MACF1: variants seen among roughly 807,000 people sequenced by gnomAD.
MACF1 encodes the protein microtubule actin crosslinking factor 1.
MACF1 carries 193 observed loss-of-function variants against 854.8 expected under a neutral mutation model. The observed-to-expected ratio is 0.23, with a 90% CI of 0.20 to 0.25. The LOEUF (loss-of-function observed/expected upper bound fraction) is 0.25. Ranked by LOEUF, MACF1 falls within the 10% of genes least tolerant of loss-of-function variation. MACF1 has a pLI of 1.00. For synonymous variants in MACF1, 3,185 were observed against 3,226.7 expected, an observed-to-expected ratio of 0.99 and a Z score of 0.44; for missense variants, 7,722 against 8,929.1, an observed-to-expected ratio of 0.86 and a Z score of 5.45.
chr1:39,323,106 G>T (rs1434251937), intron 33 of MACF1, 98 bp downstream of exon 33: 5 of 1,069,230 alleles, frequency 4.7e-6, no homozygotes, highest in Non-Finnish European at 4.4e-6. Context: ...CCAGGTGGCT[G>T]AGTTGGGAGG....
intron 2 of MACF1, among the ~76,000 whole-genome samples, chr1:39,100,296 G>A (rs1253240449): frequency 6.6e-6 from 1 of 152,180 alleles, no homozygotes; most frequent in Non-Finnish European, 1.5e-5. Flanking sequence ...GATTTCAGTA[G>A]GTGGAGTTGG....
intron 97 of MACF1, among the ~76,000 whole-genome samples, chr1:39,470,008 T>A (rs1160694997): frequency 6.6e-6 from 1 of 152,158 alleles, no homozygotes; most frequent in Non-Finnish European, 1.5e-5. Flanking sequence ...AGAGATGAGA[T>A]TCAAATTCAG....
intron 2 of MACF1, among the ~76,000 whole-genome samples, chr1:39,148,162 T>C (rs1643506052): frequency 6.6e-6 from 1 of 152,238 alleles, no homozygotes; most frequent in South Asian, 2.1e-4. Flanking sequence ...ATTTATCATC[T>C]TATTTTACAG....
intron 49 of MACF1, among the ~76,000 whole-genome samples, chr1:39,366,726 G>A (rs1467899254): frequency 7.0e-6 from 1 of 143,730 alleles, no homozygotes; most frequent in African/African-American, 2.6e-5. Context: ...ACAGAGACTT[G>A]CTCTGTTATC....
rs1175275578 is a variant in MACF1 at position 39,152,984 on chromosome 1, A to G, written c.220+68546A>G. ...TAGGTTTTTCAGAATAACCAAATGT[A>G]GTTCTCCTAAGCAGGCACTGATCTT... On this transcript the variant is annotated intron_variant, in intron 2 of 93. Coordinates refer to the MACF1 transcript ENST00000361689. Among the ~76,000 whole-genome samples the G allele has an allele frequency of 2.6e-5, 4 of 152,326 alleles. No homozygotes were observed. The East Asian group carries it at 7.7e-4, about 29-fold the overall frequency.
intron 97 of MACF1, among the ~76,000 whole-genome samples, chr1:39,478,094 C>A (rs1375185415): frequency 1.3e-5 from 2 of 151,202 alleles, no homozygotes; most frequent in Admixed American, 6.6e-5. Context: ...CCTCCGCCTC[C>A]TGGGTTCAAG....
At chr1:39,241,142 C>G (rs1293581507) in intron 2 of MACF1, among the ~76,000 whole-genome samples, 1 of 150,718 alleles carries the variant, frequency 6.6e-6, no homozygotes, top group Non-Finnish European at 1.5e-5. Flanking sequence ...ATTTGGAGAT[C>G]TGCCATTCAG....
chr1:39,444,665 C>T lies in MACF1; in HGVS notation c.19435C>T (p.Leu6479Phe), dbSNP rs1644188999. The change falls in exon 80 of 101, where the codon CTC becomes TTC. Residue 6479 changes from leucine (L) to phenylalanine (F), a missense_variant. By Grantham distance (22) the Leu-to-Phe change is conservative. Coordinates refer to ENST00000564288, the MANE Select transcript of MACF1 (RefSeq NM_001394062.1). ...AREQLDTHMELYSQLKAKEET... is the reference protein window; with the variant it reads ...AREQLDTHMEFYSQLKAKEET... ...TCTTTCCTGCCTTTTCTTGTAGGAA[C>T]TCTATTCCCAGCTGAAAGCCAAGGA... The T allele has an allele frequency of 1.2e-6, 2 of 1,609,184 alleles. No homozygotes were observed. The highest frequency in any genetic ancestry group is 8.5e-7 in the Non-Finnish European group (1 of 1,176,630).
Position 39,387,250 on chromosome 1 carries a change from A to C in MACF1, c.14408A>C (p.Asp4803Ala). Reference sequence around the variant, plus strand: ...ACCCAGCAGTTCCAGCAAATGTTTGATGAGTTGAGGACCTGGTTGGATGAT... The same window carrying C: ...ACCCAGCAGTTCCAGCAAATGTTTGCTGAGTTGAGGACCTGGTTGGATGAT... ...ASTQQFQQMFDELRTWLDDKQ... is the reference protein window; with the variant it reads ...ASTQQFQQMFAELRTWLDDKQ... The change falls in exon 58 of 101, where the codon GAT (aspartate) becomes GCT (alanine). Residue 4803 changes from aspartate (D) to alanine (A), a missense_variant. Physicochemically the swap from Asp to Ala is moderately radical, Grantham distance 126 (BLOSUM62 -2). Transcript: ENST00000564288. The C allele has an allele frequency of 1.2e-6, 2 of 1,614,216 alleles. No homozygotes were observed.
intron 2 of MACF1, among the ~76,000 whole-genome samples, chr1:39,171,255 C>A (rs904492204): frequency 1.3e-5 from 2 of 150,242 alleles, no homozygotes; most frequent in African/African-American, 4.9e-5. Context: ...TTCTCCCGAT[C>A]CAGTTTTATT....
intron 58 of MACF1, among the ~76,000 whole-genome samples, chr1:39,417,026 A>G (rs1643340972): frequency 6.6e-6 from 1 of 152,220 alleles, no homozygotes; most frequent in Non-Finnish European, 1.5e-5. Flanking sequence ...TATTTCTTCC[A>G]TTCCCTTAGG....
chr1:39,192,356 G>C (rs1364882056), intron 2 of MACF1, among the ~76,000 whole-genome samples: 2 of 152,094 alleles, frequency 1.3e-5, no homozygotes. Context: ...GTACTGAGGG[G>C]TAGGAGTTGT....
intron 23 of MACF1, among the ~76,000 whole-genome samples, chr1:39,308,780 C>A (rs1324885156): frequency 6.6e-6 from 1 of 152,036 alleles, no homozygotes; most frequent in African/African-American, 2.4e-5. Flanking sequence ...CTCAGCCTCC[C>A]AAGTAGCTGA....
chr1:39,135,879 A>T (rs1179846140), intron 2 of MACF1, among the ~76,000 whole-genome samples: 3 of 152,188 alleles, frequency 2.0e-5, no homozygotes, highest in Non-Finnish European at 4.4e-5. Flanking sequence ...GAATGGTGAC[A>T]TATCTAGACT....
intron 37 of MACF1, among the ~76,000 whole-genome samples, chr1:39,336,965 T>C (rs759105275): frequency 1.9e-4 from 29 of 152,346 alleles, no homozygotes; most frequent in Middle Eastern, 6.8e-3. Context: ...AAAATGATGC[T>C]TGTAGATTGA....
intron 2 of MACF1, among the ~76,000 whole-genome samples, chr1:39,236,837 A>G (rs980958247): frequency 6.6e-6 from 1 of 152,004 alleles, no homozygotes; most frequent in Non-Finnish European, 1.5e-5. Context: ...TAATTTTTGT[A>G]TTTTTAGTAG....
rs754270749 is a variant in MACF1 at position 39,310,853 on chromosome 1, C to A, written c.3123C>A (p.Ala1041=). 4 of 1,612,808 alleles carry A rather than the reference C, an allele frequency of 2.5e-6. No homozygotes were observed. The highest frequency in any genetic ancestry group is 3.4e-6 in the Non-Finnish European group (4 of 1,179,458). The part of the protein sequence containing the change: ...MENEDKEETV[A]KMYISELKNI... Reference sequence around the variant, plus strand: ...CAGAGGACAAAGAGGAGACTGTGGCCAAGATGTACATTTCAGAGTTGAAGA... The same window carrying A: ...CAGAGGACAAAGAGGAGACTGTGGCAAAGATGTACATTTCAGAGTTGAAGA... Residue 1041 remains alanine, a synonymous_variant, in exon 26 of 101, where the codon GCC becomes GCA. Coordinates refer to ENST00000564288, the MANE Select transcript of MACF1 (RefSeq NM_001394062.1).
intron 49 of MACF1, among the ~76,000 whole-genome samples, chr1:39,367,626 T>C (rs1261500924): frequency 2.0e-5 from 3 of 152,232 alleles, no homozygotes; most frequent in African/African-American, 4.8e-5. Flanking sequence ...CAAAGTGTGA[T>C]TGAATTTCAG....
chr1:39,454,888 G>A (rs1276061846), intron 88 of MACF1, 21 bp from the exon 89 acceptor site: 2 of 1,599,960 alleles, frequency 1.3e-6, no homozygotes, highest in Admixed American at 3.5e-5. Flanking sequence ...AAGAGGCCAT[G>A]GTTTCCTTCT....
Sources: allele counts gnomAD v4.1 joint callset (sites outside exome capture counted in the v4.1 genomes callset), GRCh38; gene constraint gnomAD v4.1.1; transcripts MANE v1.5; gene names NCBI Gene and HGNC (gene_info 2026-07-23, HGNC 2026-07-21).